The following ZNF682 variants were observed in gnomAD, a reference collection of about 807,000 sequenced individuals.
ZNF682 encodes the protein zinc finger protein 682.
In ZNF682, 29 loss-of-function variants were observed where a neutral mutation model predicts 36.5. The observed-to-expected ratio is 0.80, with a 90% CI of 0.59 to 1.08. The LOEUF (loss-of-function observed/expected upper bound fraction) is 1.08. Ranked by LOEUF, ZNF682 falls within the 50% of genes least tolerant of loss-of-function variation. The pLI, the probability that ZNF682 is intolerant of heterozygous loss-of-function variation, is 0.00. For missense variants in ZNF682, 561 were observed against 579.7 expected, an observed-to-expected ratio of 0.97 and a Z score of 0.33; for synonymous variants, 180 against 197.0, an observed-to-expected ratio of 0.91 and a Z score of 0.72.
chr19:19,998,127 CCTGAGGACCAGT>C (rs1599597647), intron 3 of ZNF682, among the ~76,000 whole-genome samples: 2 of 152,144 alleles, frequency 1.3e-5, no homozygotes, highest in African/African-American at 4.8e-5. Context: ...TGCACCGTAC[CCTGAGGACCAGT>C]CTGAGGACAG....
intron 3 of ZNF682, among the ~76,000 whole-genome samples, chr19:20,021,509 A>C (rs1442213736): frequency 1.4e-4 from 22 of 152,116 alleles, no homozygotes; most frequent in Non-Finnish European, 2.9e-5. Context: ...AAAAACAACA[A>C]CAACAAAAAA....
At chr19:20,015,852 CAAAGA>C (rs1476227157) in intron 3 of ZNF682, 1 of 397,796 alleles carries the variant, frequency 2.5e-6, no homozygotes, top group Non-Finnish European at 4.4e-6. Context: ...CCTGCAGAAG[CAAAGA>C]AAAGACTTAC....
chr19:20,018,252 C>G lies in ZNF682; in HGVS notation c.226+4752G>C, dbSNP rs1599609262. Among the ~76,000 whole-genome samples, 3 of 151,190 alleles carry G rather than the reference C, an allele frequency of 2.0e-5. No individual in the cohort carries two copies. In the Middle Eastern group the frequency reaches 0.01, roughly 518 times the overall value. ...GGGACTACAGGCGCCCGCCACTACGCCCGGCTAATTTTTTGTATTTTTAGT... is the reference window on the plus strand; with the variant it reads ...GGGACTACAGGCGCCCGCCACTACGGCCGGCTAATTTTTTGTATTTTTAGT... On this transcript the variant is annotated intron_variant, in intron 3 of 3. Coordinates refer to ENST00000397165, the MANE Select transcript of ZNF682 (RefSeq NM_033196.3).
At chr19:20,012,560 G>A (rs2088298686) in intron 3 of ZNF682, among the ~76,000 whole-genome samples, 1 of 152,116 alleles carries the variant, frequency 6.6e-6, no homozygotes, top group African/African-American at 2.4e-5. Flanking sequence ...GAGGTCAGGA[G>A]ATCAAGACCA....
intron 3 of ZNF682, chr19:20,015,355 CA>C: frequency 1.0e-6 from 1 of 985,038 alleles, no homozygotes; most frequent in African/African-American, 1.7e-5. Context: ...TTCAGTCAAA[CA>C]CAGAGATAAT....
chr19:20,026,579 C>A (rs537664088), intron 1 of ZNF682, among the ~76,000 whole-genome samples: 5 of 152,240 alleles, frequency 3.3e-5, no homozygotes, highest in African/African-American at 1.2e-4. Flanking sequence ...GGTGATTCTG[C>A]CTCAGCCTTC....
chr19:20,038,627 A>AAAAT (rs2088555210), intron 1 of ZNF682, among the ~76,000 whole-genome samples: 1 of 151,382 alleles, frequency 6.6e-6, no homozygotes, highest in Non-Finnish European at 1.5e-5. Context: ...AAAAAAAAAA[A>AAAAT]TCAAAGGCAA....
At chr19:20,026,239 C>G (rs1460735749) in intron 1 of ZNF682, among the ~76,000 whole-genome samples, 1 of 151,516 alleles carries the variant, frequency 6.6e-6, no homozygotes, top group Non-Finnish European at 1.5e-5. Flanking sequence ...GGAGGTGGAG[C>G]TTGCAGTGAG....
chr19:20,036,527 A>G (rs936364771), intron 1 of ZNF682, among the ~76,000 whole-genome samples: 2 of 141,326 alleles, frequency 1.4e-5, no homozygotes, highest in Non-Finnish European at 3.0e-5. Flanking sequence ...AATTGCTTGA[A>G]CCCAGGAGGC....
At chr19:19,995,689 T>A (rs181826702), downstream of ZNF682, among the ~76,000 whole-genome samples, 1 of 151,754 alleles carries the variant, frequency 6.6e-6, no homozygotes, top group African/African-American at 2.4e-5. Flanking sequence ...CTATGGAGGA[T>A]TCACCACCAG....
intron 3 of ZNF682, among the ~76,000 whole-genome samples, chr19:20,013,115 A>G (rs995523799): frequency 6.6e-6 from 1 of 152,152 alleles, no homozygotes; most frequent in African/African-American, 2.4e-5. Context: ...GAAGAATGGT[A>G]CAAGTCATTC....
In ZNF682 at chr19:20,006,195, C is replaced by T. The variant is rs755877055; in HGVS notation, c.1307G>A (p.Arg436Gln). 8.1e-6 allele frequency: 13 copies of T among 1,613,354 alleles called. No individual in the cohort carries two copies. Among genetic ancestry groups the T allele is most frequent in the South Asian group, 4.4e-5 (4 of 91,044 alleles). The change falls in exon 4 of 4, where the codon CGG (arginine) becomes CAG (glutamine). Residue 436 changes from arginine to glutamine, a missense_variant. By Grantham distance (43) the Arg-to-Gln change is conservative (BLOSUM62 1). Transcript: ENST00000397165. ...CTTATGTCTAGTAAGGTGTGAGCACCGATTAAAGGCTTTTCCACATTCTTC... is the reference window on the plus strand; with the variant it reads ...CTTATGTCTAGTAAGGTGTGAGCACTGATTAAAGGCTTTTCCACATTCTTC... ...NCEECGKAFN[R>Q]CSHLTRHKKI...
chr19:20,032,417 T>C (rs958580373), intron 1 of ZNF682, among the ~76,000 whole-genome samples: 2 of 152,142 alleles, frequency 1.3e-5, no homozygotes, highest in Admixed American at 6.5e-5. Context: ...GTAAGGTTAT[T>C]TTTGTAGAAA....
rs1599600926 is a variant in ZNF682 at position 20,004,979 on chromosome 19, T to C, written c.*1026A>G. 1 of 152,238 alleles carries C rather than the reference T, an allele frequency of 6.6e-6. No homozygotes were observed. Among genetic ancestry groups the C allele is most frequent in the East Asian group, 1.9e-4 (1 of 5,196 alleles). 9.4% of individuals were successfully genotyped at this position (152,238 alleles called of 1,614,324 possible). A position where few individuals can be genotyped will look rare whatever the true frequency, so the allele number is the denominator to read the frequency against. ...AATAACATTGAAAGTGTTAGCGTCT[T>C]AGTGGTTTCTACTGTGAATCTTCTG... On this transcript the variant is annotated 3_prime_UTR_variant, in exon 4 of 4. Transcript: ENST00000397165.
Position 20,004,905 on chromosome 19 carries a change from A to G in ZNF682, c.*1100T>C, listed in dbSNP as rs1051676752. 3.3e-5 allele frequency: 5 copies of G among 152,224 alleles called. No individual in the cohort carries two copies. Among genetic ancestry groups the G allele is most frequent in the Admixed American group, 2.6e-4 (4 of 15,276 alleles). The allele number at this position is 152,224 out of a possible 1,614,324, so 9.4% of individuals were successfully genotyped here. ...TCTCCTATTTCTGTTTAGGCTAACT[A>G]AATTATGTTAACCTTGAATTACTCT... is the stretch of plus-strand genomic sequence containing the variant. On this transcript the variant is annotated 3_prime_UTR_variant, in exon 4 of 4. Coordinates refer to ENST00000397165, the MANE Select transcript of ZNF682 (RefSeq NM_033196.3).
At chr19:20,012,956 G>A (rs1248434547) in intron 3 of ZNF682, among the ~76,000 whole-genome samples, 1 of 151,942 alleles carries the variant, frequency 6.6e-6, no homozygotes, top group East Asian at 1.9e-4. Context: ...AATGGCAATA[G>A]TAACCCCTTC....
Position 20,006,417 on chromosome 19 carries a change from A to G in ZNF682, c.1085T>C (p.Ile362Thr), listed in dbSNP as rs1277489957. 6.2e-7 allele frequency: 1 copy of G among 1,613,472 alleles called. No individual in the cohort carries two copies. The highest frequency in any genetic ancestry group is 8.5e-7 in the Non-Finnish European group (1 of 1,179,920). Residue 362 changes from isoleucine (I) to threonine (T), a missense_variant, in exon 4 of 4, where the codon ATT becomes ACT. Physicochemically the swap from Ile to Thr is moderately conservative, Grantham distance 89 (BLOSUM62 -1). Transcript: ENST00000397165. ...SSSILTEHKV[I>T]HSGEKPYKCE... Reference sequence around the variant, plus strand: ...TTTGTAGGGTTTCTCTCCGCTATGAATTACCTTATGTTCAGTAAGAATTGA... The same window carrying G: ...TTTGTAGGGTTTCTCTCCGCTATGAGTTACCTTATGTTCAGTAAGAATTGA...
At chr19:20,012,106 T>A (rs2088294270) in intron 3 of ZNF682, among the ~76,000 whole-genome samples, 1 of 150,544 alleles carries the variant, frequency 6.6e-6, no homozygotes, top group African/African-American at 2.4e-5. Flanking sequence ...GTTAGGAGGG[T>A]TTATAGTGCT....
intron 1 of ZNF682, among the ~76,000 whole-genome samples, chr19:20,028,559 T>A (rs1191295177): frequency 6.6e-5 from 10 of 152,192 alleles, no homozygotes; most frequent in Admixed American, 6.5e-4. Context: ...CATTCACAGC[T>A]AATGCTGACC....
Sources: gnomAD v4.1 joint callset for allele counts (sites outside exome capture counted in the v4.1 genomes callset) on GRCh38, gnomAD v4.1.1 for gene constraint, MANE v1.5 for transcripts, NCBI Gene and HGNC (gene_info 2026-07-23, HGNC 2026-07-21) for gene names.